Variants in MFSD6 observed in about 807,000 individuals in gnomAD.
The protein encoded by MFSD6 is major facilitator superfamily domain-containing protein 6.
A neutral mutation model predicts 56.3 loss-of-function variants in MFSD6; 26 were observed. The observed-to-expected ratio is 0.46, with a 90% CI of 0.34 to 0.64. MFSD6 has a LOEUF of 0.64. Ranked by LOEUF, MFSD6 falls within the 30% of genes least tolerant of loss-of-function variation. MFSD6 has a pLI of 0.01. For missense variants in MFSD6, 750 were observed against 986.2 expected, an observed-to-expected ratio of 0.76 and a Z score of 3.21; for synonymous variants, 331 against 366.9, an observed-to-expected ratio of 0.90 and a Z score of 1.12.
Position 190,477,731 on chromosome 2 carries a change from CATA to C in MFSD6, c.1630+7881_1630+7883del, listed in dbSNP as rs955089317. ...GTTCTGGAAGCCAGATGTGTAAACA[CATA>C]ATAACTATACAGCATGTTAGATGGA... On this transcript the variant is annotated intron_variant, in intron 4 of 7. Transcript: ENST00000392328. Among the ~76,000 whole-genome samples the C allele has an allele frequency of 9.9e-5, 15 of 152,160 alleles. No homozygotes were observed. In the South Asian group the frequency reaches 1.2e-3, roughly 13 times the overall value.
rs1334066740 is a variant in MFSD6 at position 190,491,840 on chromosome 2, A to AG, written c.1891+1976dup. Among the ~76,000 whole-genome samples, 1 of 152,236 alleles carries AG rather than the reference A, an allele frequency of 6.6e-6. No homozygotes were observed. Among genetic ancestry groups the AG allele is most frequent in the Non-Finnish European group, 1.5e-5 (1 of 68,032 alleles). ...TGACTTCCCTGAAAAAGAATTCAGA[A>AG]GGTCCATTATTAAGTTAATCAAGGA... On this transcript the variant is annotated intron_variant, in intron 6 of 7. Transcript: ENST00000392328. The surrounding 1 kb of genome is among the most constrained non-coding windows in gnomAD (Gnocchi z 4.2).
intron 4 of MFSD6, among the ~76,000 whole-genome samples, chr2:190,470,918 C>G (rs1687885211): frequency 6.7e-6 from 1 of 149,098 alleles, no homozygotes; most frequent in African/African-American, 2.5e-5. Flanking sequence ...TATATATATA[C>G]TTTAAGATGC....
rs1194608178 is a variant in MFSD6 at position 190,469,128 on chromosome 2, A to T, written c.1533-630A>T. The stretch of plus-strand genomic sequence containing the variant: ...GTTGGTGTATATTTATTAGTTTTGT[A>T]AACATATGATACCATGAATTTTTTA... On this transcript the variant is annotated intron_variant, in intron 3 of 7. Coordinates refer to ENST00000392328, the MANE Select transcript of MFSD6 (RefSeq NM_017694.4). The surrounding 1 kb of genome is among the most constrained non-coding windows in gnomAD (Gnocchi z 5.3). Among the ~76,000 whole-genome samples the T allele has an allele frequency of 6.6e-6, 1 of 152,192 alleles. No homozygotes were observed. The highest frequency in any genetic ancestry group is 1.5e-5 in the Non-Finnish European group (1 of 68,032).
chr2:190,431,042 AGAGGCGCTCCTCACCTCCCAGACG>A lies in MFSD6; in HGVS notation c.-53-4933_-53-4910del, dbSNP rs1685973294. On this transcript the variant is annotated intron_variant, in intron 2 of 7. Transcript: ENST00000392328. This position sits in a 1 kb window ranked among gnomAD's most constrained non-coding sequence, Gnocchi z 4.4. ...CTCCCAGACGGGGTCGCGGCCGGGC[AGAGGCGCTCCTCACCTCCCAGACG>A]GGGTCGCAGCCGGGCAGAGGCGCTC... Among the ~76,000 whole-genome samples, 1 of 115,034 alleles carries A rather than the reference AGAGGCGCTCCTCACCTCCCAGACG, an allele frequency of 8.7e-6. No individual in the cohort carries two copies. Among genetic ancestry groups the A allele is most frequent in the Non-Finnish European group, 2.1e-5 (1 of 48,466 alleles). 75.5% of individuals were successfully genotyped at this position (115,034 alleles called of 152,430 possible).
intron 2 of MFSD6, among the ~76,000 whole-genome samples, chr2:190,420,531 A>G (rs944563880): frequency 6.6e-5 from 10 of 152,254 alleles, no homozygotes; most frequent in African/African-American, 2.4e-4. Flanking sequence ...GCCCATATCA[A>G]CCTCTCAATA....
chr2:190,428,934 A>C (rs1427182933), intron 2 of MFSD6, among the ~76,000 whole-genome samples: 2 of 152,088 alleles, frequency 1.3e-5, no homozygotes, highest in Non-Finnish European at 2.9e-5. Flanking sequence ...CGGCCTCTCA[A>C]AGTGCTGGGA....
At position 190,437,599 on chromosome 2, in the gene MFSD6, G is replaced by T. The variant is rs569764990; in HGVS notation, c.1532+38G>T. 1.3e-5 allele frequency: 21 copies of T among 1,579,240 alleles called. No individual in the cohort carries two copies. The South Asian group carries it at 2.4e-4, about 18-fold the overall frequency. On this transcript the variant is annotated intron_variant, in intron 3 of 7. Transcript: ENST00000392328. This position sits in a 1 kb window ranked among gnomAD's most constrained non-coding sequence, Gnocchi z 5.9. ...TTACGATTGCTGCCCCTCAGCAATT[G>T]AACTTTATCTTTTTATGGTTTATAG...
chr2:190,460,409 G>A (rs373360245), intron 3 of MFSD6, among the ~76,000 whole-genome samples: 40 of 152,074 alleles, frequency 2.6e-4, no homozygotes, highest in African/African-American at 9.2e-4. Context: ...ATACACTCGC[G>A]TATGCACACA....
At chr2:190,486,241 A>C (rs1689001526) in intron 4 of MFSD6, among the ~76,000 whole-genome samples, 1 of 152,264 alleles carries the variant, frequency 6.6e-6, no homozygotes, top group Admixed American at 6.5e-5. Flanking sequence ...GGTGGGAAGA[A>C]GTGTTCCCCG....
intron 1 of MFSD6, among the ~76,000 whole-genome samples, chr2:190,414,307 G>A (rs373935240): frequency 4.6e-5 from 7 of 152,262 alleles, no homozygotes; most frequent in African/African-American, 9.6e-5. Flanking sequence ...CTTGATTAAC[G>A]TGCTCCAATC....
At chr2:190,478,112 T>A (rs80013314) in intron 4 of MFSD6, among the ~76,000 whole-genome samples, 1,849 of 152,294 alleles carry the variant, frequency 0.012, 37 homozygotes, top group African/African-American at 0.042. Flanking sequence ...TATCCCAGGA[T>A]TTAGGGAGCT....
In MFSD6 at chr2:190,465,538, A is replaced by G. The variant is rs1687558466; in HGVS notation, c.1533-4220A>G. On this transcript the variant is annotated intron_variant, in intron 3 of 7. Transcript: ENST00000392328. This position sits in a 1 kb window ranked among gnomAD's most constrained non-coding sequence, Gnocchi z 4.6. ...AAAAAAATTCTAGGACCCTGAACAT[A>G]TGCTCATATTCAGCATAAAAAAGAA... is the stretch of plus-strand genomic sequence containing the variant. 6.6e-6 allele frequency among the ~76,000 whole-genome samples: 1 copy of G among 152,154 alleles called. No individual in the cohort carries two copies. The highest frequency in any genetic ancestry group is 1.5e-5 in the Non-Finnish European group (1 of 68,042).
At chr2:190,409,841 C>T (rs372855319) in intron 1 of MFSD6, among the ~76,000 whole-genome samples, 4 of 152,110 alleles carry the variant, frequency 2.6e-5, no homozygotes, top group African/African-American at 9.7e-5. Context: ...ATATGGTCAG[C>T]TGTTTAGTGA....
intron 4 of MFSD6, among the ~76,000 whole-genome samples, chr2:190,484,584 T>C (rs1488867012): frequency 1.3e-5 from 2 of 152,112 alleles, no homozygotes; most frequent in African/African-American, 2.4e-5. Flanking sequence ...AACGAGAGAA[T>C]CAGAACACAA....
At chr2:190,429,125 T>G (rs1685877600) in intron 2 of MFSD6, among the ~76,000 whole-genome samples, 1 of 152,094 alleles carries the variant, frequency 6.6e-6, no homozygotes, top group South Asian at 2.1e-4. Context: ...ATTCAAGCTT[T>G]TTGCTTATTT....
intron 2 of MFSD6, among the ~76,000 whole-genome samples, chr2:190,432,426 G>GT (rs1559108191): frequency 6.6e-6 from 1 of 152,014 alleles, no homozygotes. Context: ...GTTTGTTTTT[G>GT]TTTTTTGAGA....
At chr2:190,407,670 A>G (rs1690360977), upstream of MFSD6, among the ~76,000 whole-genome samples, 1 of 152,172 alleles carries the variant, frequency 6.6e-6, no homozygotes, top group South Asian at 2.1e-4. The surrounding 1 kb of genome is among the most constrained non-coding windows in gnomAD (Gnocchi z 5.4). Flanking sequence ...TTAGTGCGAC[A>G]CACACGGTTG....
intron 3 of MFSD6, among the ~76,000 whole-genome samples, chr2:190,460,676 C>T (rs547535581): frequency 3.3e-5 from 5 of 152,192 alleles, no homozygotes; most frequent in African/African-American, 7.2e-5. Context: ...AGGAGAGGCA[C>T]GTGATGCTGC....
rs895997867 is a variant in MFSD6 at position 190,412,682 on chromosome 2, C to T, written c.-175-2610C>T. 1 of 921,890 alleles carries T rather than the reference C, an allele frequency of 1.1e-6. No homozygotes were observed. The highest frequency in any genetic ancestry group is 1.3e-6 in the Non-Finnish European group (1 of 772,198). 57.1% of individuals were successfully genotyped at this position (921,890 alleles called of 1,614,324 possible). ...TCCATGTTTAATTATCCAACATTAG[C>T]TGTCTGTTCCCATTTACTCTACTGG... On this transcript the variant is annotated intron_variant, in intron 1 of 7. Coordinates refer to ENST00000392328, the MANE Select transcript of MFSD6 (RefSeq NM_017694.4). The surrounding 1 kb of genome is among the most constrained non-coding windows in gnomAD (Gnocchi z 4.1).
Sources: allele counts gnomAD v4.1 joint callset (sites outside exome capture counted in the v4.1 genomes callset), GRCh38; gene constraint gnomAD v4.1.1; non-coding constraint Gnocchi (gnomAD v3.1); transcripts MANE v1.5; gene names NCBI Gene and HGNC (gene_info 2026-07-23, HGNC 2026-07-21).